LRRTM3: variants seen among roughly 807,000 people sequenced by gnomAD.
LRRTM3 encodes the protein leucine rich repeat transmembrane neuronal 3.
A neutral mutation model predicts 44.7 loss-of-function variants in LRRTM3; 24 were observed. That is an observed-to-expected ratio of 0.54 (90% confidence interval 0.39 to 0.76). The LOEUF (loss-of-function observed/expected upper bound fraction) is 0.76, where lower values mean the gene tolerates loss of function less well. Ranked by LOEUF, LRRTM3 falls within the 30% of genes least tolerant of loss-of-function variation. The pLI is 0.00. For missense variants in LRRTM3, 587 were observed against 702.2 expected, an observed-to-expected ratio of 0.84 and a Z score of 1.85; for synonymous variants, 277 against 278.7, an observed-to-expected ratio of 0.99 and a Z score of 0.06.
intron 2 of LRRTM3, among the ~76,000 whole-genome samples, chr10:67,044,298 A>G (rs976937271): frequency 1.3e-5 from 2 of 152,180 alleles, no homozygotes; most frequent in African/African-American, 4.8e-5. Context: ...TTATTTAACA[A>G]TTTAACGAGG....
intron 2 of LRRTM3, among the ~76,000 whole-genome samples, chr10:67,077,532 T>C (rs534187052): frequency 6.6e-6 from 1 of 152,262 alleles, no homozygotes; most frequent in South Asian, 2.1e-4. Context: ...AATGTTACCT[T>C]GGCTTGAAGC....
rs539277925 is a variant in LRRTM3, at chr10:67,047,120, A to G, written c.1537-50467A>G. ...AGGACAATGAAGACAGTACTCAGAC[A>G]GTACACTTATCTTCTCCCATCCCAA... On this transcript the variant is annotated intron_variant, in intron 2 of 2. Transcript: ENST00000361320. 2.6e-5 allele frequency among the ~76,000 whole-genome samples: 4 copies of G among 152,324 alleles called. No individual in the cohort carries two copies. The South Asian group carries it at 8.3e-4, about 32-fold the overall frequency.
intron 2 of LRRTM3, among the ~76,000 whole-genome samples, chr10:67,041,370 T>C (rs561792763): frequency 5.8e-4 from 89 of 152,256 alleles, no homozygotes; most frequent in African/African-American, 2.1e-3. Flanking sequence ...TAATAGAGGT[T>C]ACTTAGTGAA....
intron 2 of LRRTM3, among the ~76,000 whole-genome samples, chr10:66,982,456 T>A (rs181680373): frequency 7.6e-4 from 116 of 152,318 alleles, no homozygotes; most frequent in Admixed American, 5.9e-3. Flanking sequence ...CTTGAGAAGA[T>A]AATTTGATGT....
rs769600484 is a variant in LRRTM3, at chr10:66,927,485, A to G, written c.569A>G (p.Tyr190Cys). The G allele has an allele frequency of 6.2e-7, 1 of 1,614,148 alleles. No homozygotes were observed. The highest frequency in any genetic ancestry group is 8.5e-7 in the Non-Finnish European group (1 of 1,180,044). The change falls in exon 2 of 3, where the codon TAT becomes TGT. Residue 190 changes from tyrosine (Y) to cysteine (C), a missense_variant. Tyr to Cys is a radical substitution (Grantham distance 194, BLOSUM62 -2). Around this residue, in one of 3 missense-constraint regions of LRRTM3, gnomAD observed 222 missense variants for 323.3 expected, o/e 0.69. Transcript: ENST00000361320. This position sits in a 1 kb window ranked among gnomAD's most constrained non-coding sequence, Gnocchi z 4.7. ...CRNLELLDLGYNRIRSLARNV... is the reference protein window; with the variant it reads ...CRNLELLDLGCNRIRSLARNV... ...AACCTGGAACTTTTGGACCTGGGAT[A>G]TAACCGGATCCGAAGTTTAGCCAGG...
chr10:66,930,612 C>T (rs1847323280), intron 2 of LRRTM3, among the ~76,000 whole-genome samples: 1 of 152,096 alleles, frequency 6.6e-6, no homozygotes, highest in South Asian at 2.1e-4. Context: ...GCAAGGAATA[C>T]TTATATTTTT....
intron 2 of LRRTM3, among the ~76,000 whole-genome samples, chr10:67,048,008 A>C (rs191458413): frequency 4.6e-5 from 7 of 152,252 alleles, no homozygotes. Context: ...GAACAGTACC[A>C]TGTGTTCTTT....
chr10:67,082,581 C>T (rs571450953), intron 2 of LRRTM3, among the ~76,000 whole-genome samples: 15 of 152,220 alleles, frequency 9.9e-5, no homozygotes, highest in Middle Eastern at 3.4e-3. Context: ...TCACAAGCCT[C>T]CTAGGAAAGC....
chr10:67,052,556 G>C (rs1163419137), intron 2 of LRRTM3: 4 of 152,134 alleles, frequency 2.6e-5, no homozygotes, highest in Non-Finnish European at 4.4e-5. Context: ...ATAAACATTT[G>C]TATTTCTTAT....
chr10:66,951,307 G>A (rs902905369), intron 2 of LRRTM3, among the ~76,000 whole-genome samples: 1 of 151,834 alleles, frequency 6.6e-6, no homozygotes, highest in Non-Finnish European at 1.5e-5. Context: ...GTAGAGATGG[G>A]GTTTCACCAT....
chr10:66,949,514 C>T (rs906856490), intron 2 of LRRTM3, among the ~76,000 whole-genome samples: 15 of 151,442 alleles, frequency 9.9e-5, no homozygotes, highest in Non-Finnish European at 1.3e-4. Flanking sequence ...GCCAAGATCG[C>T]GCCATTGGAC....
intron 2 of LRRTM3, among the ~76,000 whole-genome samples, chr10:66,983,039 C>T (rs1168681858): frequency 6.6e-6 from 1 of 152,174 alleles, no homozygotes; most frequent in South Asian, 2.1e-4. Flanking sequence ...CTGAGAGCAG[C>T]GACTGCCGAA....
intron 2 of LRRTM3, among the ~76,000 whole-genome samples, chr10:66,954,492 C>T (rs553445011): frequency 3.3e-5 from 5 of 152,194 alleles, no homozygotes; most frequent in South Asian, 2.1e-4. Flanking sequence ...TACACGGTCC[C>T]GCAATGGATT....
intron 2 of LRRTM3, among the ~76,000 whole-genome samples, chr10:67,027,900 G>A (rs1853488967): frequency 6.6e-6 from 1 of 152,094 alleles, no homozygotes; most frequent in Non-Finnish European, 1.5e-5. Context: ...ATGTCATAAT[G>A]ATGATGATAT....
At chr10:67,077,268 A>G (rs1217748865) in intron 2 of LRRTM3, among the ~76,000 whole-genome samples, 4 of 152,166 alleles carry the variant, frequency 2.6e-5, no homozygotes, top group Non-Finnish European at 5.9e-5. Context: ...ACTTTTGTCA[A>G]TGCAAACCAG....
At chr10:67,093,521 AT>A (rs1857786849) in intron 2 of LRRTM3, among the ~76,000 whole-genome samples, 1 of 151,910 alleles carries the variant, frequency 6.6e-6, no homozygotes, top group African/African-American at 2.4e-5. Context: ...AGAGAATGGA[AT>A]TTATTGTGAG....
chr10:67,023,382 C>T (rs1406407840), intron 2 of LRRTM3, among the ~76,000 whole-genome samples: 2 of 152,046 alleles, frequency 1.3e-5, no homozygotes, highest in African/African-American at 4.8e-5. Context: ...TCAAGAACTT[C>T]AGGAAAGAAG....
At chr10:67,020,493 A>T (rs1852937665) in intron 2 of LRRTM3, among the ~76,000 whole-genome samples, 1 of 152,172 alleles carries the variant, frequency 6.6e-6, no homozygotes, top group African/African-American at 2.4e-5. Context: ...AGAGTCTAAC[A>T]ATTTATCCCC....
chr10:67,026,983 C>T (rs1258460847), intron 2 of LRRTM3, among the ~76,000 whole-genome samples: 3 of 152,166 alleles, frequency 2.0e-5, no homozygotes, highest in Non-Finnish European at 4.4e-5. Flanking sequence ...ATTCTGGGTT[C>T]TCAGAAAATA....
Sources: gnomAD v4.1 joint callset for allele counts (sites outside exome capture counted in the v4.1 genomes callset) on GRCh38, gnomAD v4.1.1 for gene constraint, gnomAD v4.1.1 regional missense constraint, Gnocchi (gnomAD v3.1) non-coding constraint, MANE v1.5 for transcripts, NCBI Gene and HGNC (gene_info 2026-07-23, HGNC 2026-07-21) for gene names.